MTAP: variants seen among roughly 807,000 people sequenced by gnomAD.
The protein encoded by MTAP is methylthioadenosine phosphorylase.
A neutral mutation model predicts 33.6 loss-of-function variants in MTAP; 33 were observed. The observed-to-expected ratio is 0.98, with a 90% CI of 0.74 to 1.31. MTAP has a LOEUF of 1.31. MTAP is among the 40% of genes most tolerant of loss of function. The pLI is 0.00. For missense variants in MTAP, 367 were observed against 360.0 expected (o/e 1.02, Z -0.16); for synonymous variants, 148 against 125.7 (o/e 1.18, Z -1.19).
downstream of MTAP, among the ~76,000 whole-genome samples, chr9:21,938,538 A>T (rs1300651749): frequency 6.6e-6 from 1 of 152,200 alleles, no homozygotes; most frequent in African/African-American, 2.4e-5. Context: ...TTCTTATGTT[A>T]TAATATTATT....
chr9:21,899,385 TGGAA>T (rs1431953465), intron 1 of MTAP, among the ~76,000 whole-genome samples: 2 of 120,998 alleles, frequency 1.7e-5, no homozygotes, highest in Non-Finnish European at 3.3e-5. Context: ...AGTACAATAA[TGGAA>T]GGAAGGAAGG....
At chr9:21,868,117 G>C (rs1234304700), downstream of MTAP, among the ~76,000 whole-genome samples, 1 of 152,148 alleles carries the variant, frequency 6.6e-6, no homozygotes, top group Admixed American at 6.5e-5. Context: ...GATGAATCAA[G>C]AGACTTAAAC....
exon 8 of MTAP, chr9:21,936,308 T>C (rs1819040949): frequency 1.3e-5 from 2 of 152,264 alleles, no homozygotes; most frequent in East Asian, 1.9e-4. Flanking sequence ...TGCTATTTGA[T>C]GTCTTCATCT....
downstream of MTAP, among the ~76,000 whole-genome samples, chr9:21,871,974 A>G (rs1343520594): frequency 6.6e-6 from 1 of 152,184 alleles, no homozygotes; most frequent in East Asian, 1.9e-4. Flanking sequence ...GAGGTAATTC[A>G]GTAAAACCAG....
Position 21,922,513 on chromosome 9 carries a change from G to T in MTAP, c.148-8495G>T, listed in dbSNP as rs529530461. Among the ~76,000 whole-genome samples the T allele has an allele frequency of 7.2e-5, 11 of 152,124 alleles. No homozygotes were observed. The South Asian group carries it at 1.9e-3, about 26-fold the overall frequency. On this transcript the variant is annotated intron_variant, in intron 1 of 1. Transcript: ENST00000577563. The surrounding 1 kb of genome is among the most constrained non-coding windows in gnomAD (Gnocchi z 4.8). ...GCCTTGGTCTCTCACTCTCGCTTATGCCCCTCAGACAAATTCTTTCCTTTG... is the reference window on the plus strand; with the variant it reads ...GCCTTGGTCTCTCACTCTCGCTTATTCCCCTCAGACAAATTCTTTCCTTTG...
intron 4 of MTAP, among the ~76,000 whole-genome samples, chr9:21,826,536 G>A (rs1308818939): frequency 6.6e-6 from 1 of 151,656 alleles, no homozygotes; most frequent in Non-Finnish European, 1.5e-5. Context: ...TCTGCATCCT[G>A]TCGGAAGGCA....
At chr9:21,823,797 G>C (rs1487298120) in intron 4 of MTAP, among the ~76,000 whole-genome samples, 1 of 152,204 alleles carries the variant, frequency 6.6e-6, no homozygotes, top group African/African-American at 2.4e-5. Context: ...ATTTCTTGGA[G>C]GCTTCGTTCA....
intron 1 of MTAP, chr9:21,811,642 T>C: frequency 1.9e-6 from 1 of 519,194 alleles, no homozygotes. Context: ...CCTCCTTGGC[T>C]CACTCAAACT....
chr9:21,859,272 C>T (rs775562154), intron 6 of MTAP, 31 bp from the exon 7 acceptor site: 3 of 1,580,368 alleles, frequency 1.9e-6, no homozygotes, highest in Non-Finnish European at 2.6e-6. Context: ...ATTTTAAGTT[C>T]TAGTAACCTC....
At chr9:21,878,844 T>C (rs559778770) in intron 1 of MTAP, among the ~76,000 whole-genome samples, 88 of 152,362 alleles carry the variant, frequency 5.8e-4, no homozygotes, top group Admixed American at 1.3e-3. Flanking sequence ...GGTTGTTTAA[T>C]TTCTATGTAA....
In MTAP at chr9:21,818,071, C is replaced by G. The variant is rs758858227; in HGVS notation, c.216C>G (p.Val72=). ...GRQHTIMPSK[V]NYQANIWALK... ...AGCACACCATCATGCCTTCAAAGGT[C>G]AACTACCAGGCGAACATCTGGGCTT... Residue 72 remains valine, a synonymous_variant, in exon 4 of 8, where the codon GTC becomes GTG. Coordinates refer to ENST00000644715, the MANE Select transcript of MTAP (RefSeq NM_002451.4). 1.2e-6 allele frequency: 2 copies of G among 1,613,494 alleles called. No individual in the cohort carries two copies.
At chr9:21,915,136 G>A (rs959942238) in intron 1 of MTAP, among the ~76,000 whole-genome samples, 3 of 149,644 alleles carry the variant, frequency 2.0e-5, no homozygotes, top group Non-Finnish European at 2.9e-5. Context: ...AGCCTGGAGT[G>A]CAGTGGTGGG....
intron 4 of MTAP, among the ~76,000 whole-genome samples, chr9:21,834,896 G>A (rs1252914702): frequency 1.3e-5 from 2 of 152,188 alleles, no homozygotes; most frequent in African/African-American, 2.4e-5. Flanking sequence ...TCTATTGGGA[G>A]GTAGCCACTG....
At chr9:21,803,034 A>AGGGTACGCTTGCAAATGATCCCCCTGCCG in intron 1 of MTAP, 1 of 1,021,470 alleles carries the variant, frequency 9.8e-7, no homozygotes, top group South Asian at 2.2e-5. Flanking sequence ...ACACACACAC[A>AGGGTACGCTTGCAAATGATCCCCCTGCCG]CACCACCTTT....
At chr9:21,821,923 G>A (rs1465077147) in intron 4 of MTAP, among the ~76,000 whole-genome samples, 1 of 152,224 alleles carries the variant, frequency 6.6e-6, no homozygotes, top group Non-Finnish European at 1.5e-5. Context: ...GCATAGAAGT[G>A]TTTATAGTAT....
rs1825860998 is a variant in MTAP, at chr9:21,866,846, T to C, written c.*4832T>C. 6.6e-6 allele frequency: 1 copy of C among 152,170 alleles called. No homozygotes were observed. 9.4% of individuals were successfully genotyped at this position (152,170 alleles called of 1,614,324 possible). On this transcript the variant is annotated 3_prime_UTR_variant, in exon 8 of 8. Coordinates refer to ENST00000644715, the MANE Select transcript of MTAP (RefSeq NM_002451.4). ...AACCTTTCAATCGATGGACATGGTA[T>C]GTTTCTGCATTTATTTGGGCCTTTT...
chr9:21,844,255 G>T (rs1001174198), intron 5 of MTAP, among the ~76,000 whole-genome samples: 4 of 152,162 alleles, frequency 2.6e-5, no homozygotes, highest in Admixed American at 2.6e-4. Flanking sequence ...TGCCAACAAA[G>T]AAAACATCCA....
intron 1 of MTAP, among the ~76,000 whole-genome samples, chr9:21,910,618 A>G (rs1818556934): frequency 6.6e-6 from 1 of 152,220 alleles, no homozygotes; most frequent in African/African-American, 2.4e-5. Flanking sequence ...AGAGACATGT[A>G]TAATCATGAA....
downstream of MTAP, among the ~76,000 whole-genome samples, chr9:21,872,051 C>T (rs1199303138): frequency 6.6e-6 from 1 of 152,140 alleles, no homozygotes; most frequent in Non-Finnish European, 1.5e-5. Flanking sequence ...CGTGGTGGCT[C>T]ACACCTGTAA....
Sources: allele counts gnomAD v4.1 joint callset (sites outside exome capture counted in the v4.1 genomes callset), GRCh38; gene constraint gnomAD v4.1.1; non-coding constraint Gnocchi (gnomAD v3.1); transcripts MANE v1.5; gene names NCBI Gene and HGNC (gene_info 2026-07-23, HGNC 2026-07-21).